The following ADAM12 variants were observed in gnomAD, a reference collection of about 807,000 sequenced individuals.
The protein encoded by ADAM12 is disintegrin and metalloproteinase domain-containing protein 12.
ADAM12 carries 70 observed loss-of-function variants against 106.4 expected under a neutral mutation model. The ratio of observed to expected loss-of-function variants is 0.66; its 90% CI spans 0.54 to 0.80. The LOEUF (loss-of-function observed/expected upper bound fraction) is 0.80. Ranked by LOEUF, ADAM12 falls within the 30% of genes least tolerant of loss-of-function variation. The probability of loss-of-function intolerance (pLI) is 0.00; values close to 1 mark genes in which losing one functional copy is unlikely to be tolerated. For missense variants in ADAM12, 1,010 were observed against 1,171.9 expected (o/e 0.86, Z 2.02); for synonymous variants, 420 against 433.5 (o/e 0.97, Z 0.39).
At chr10:126,194,290 A>T (rs1203217733) in intron 3 of ADAM12, among the ~76,000 whole-genome samples, 2 of 151,650 alleles carry the variant, frequency 1.3e-5, no homozygotes, top group East Asian at 3.9e-4. Context: ...AAAAAAAAAA[A>T]AAAAAAAAAA....
chr10:126,038,183 A>T, intron 20 of ADAM12, 58 bp downstream of exon 20: 1 of 1,438,668 alleles, frequency 7.0e-7, no homozygotes, highest in Non-Finnish European at 9.6e-7. Flanking sequence ...TCAGTCTCGT[A>T]TTGAAAACCT....
intron 11 of ADAM12, among the ~76,000 whole-genome samples, chr10:126,079,487 T>G (rs1343675361): frequency 6.6e-6 from 1 of 152,212 alleles, no homozygotes. Context: ...TTCAGCCACA[T>G]GGTAGCATGC....
At chr10:126,359,988 C>G (rs1407129588) in intron 1 of ADAM12, among the ~76,000 whole-genome samples, 2 of 152,218 alleles carry the variant, frequency 1.3e-5, no homozygotes, top group Non-Finnish European at 2.9e-5. Flanking sequence ...CTTCTGTGTA[C>G]CCACAGGCTC....
chr10:126,305,282 A>G (rs1960795088), intron 2 of ADAM12, among the ~76,000 whole-genome samples: 1 of 152,080 alleles, frequency 6.6e-6, no homozygotes, highest in African/African-American at 2.4e-5. Flanking sequence ...CTACTCAAGC[A>G]ATAACAAGAA....
At chr10:126,347,215 T>G (rs1245988969) in intron 1 of ADAM12, among the ~76,000 whole-genome samples, 1 of 152,228 alleles carries the variant, frequency 6.6e-6, no homozygotes, top group African/African-American at 2.4e-5. Context: ...TAGGGCAGGC[T>G]GGTGGTGACA....
intron 11 of ADAM12, among the ~76,000 whole-genome samples, chr10:126,092,611 C>T (rs1955486770): frequency 6.6e-6 from 1 of 152,198 alleles, no homozygotes; most frequent in Admixed American, 6.5e-5. Context: ...AGTACTTTGA[C>T]TTTGTGTACA....
intron 5 of ADAM12, among the ~76,000 whole-genome samples, chr10:126,126,663 C>T (rs1365827957): frequency 1.3e-5 from 2 of 150,734 alleles, no homozygotes; most frequent in East Asian, 3.9e-4. Context: ...CTAGAATGTG[C>T]AACATGGCAA....
At chr10:126,131,104 C>CTTTTTTTTTTTTTTT (rs71029289) in intron 5 of ADAM12, among the ~76,000 whole-genome samples, 1 of 100,936 alleles carries the variant, frequency 9.9e-6, no homozygotes, top group Non-Finnish European at 2.0e-5. Context: ...CAGCTGTCTT[C>CTTTTTTTTTTTTTTT]TTTTTTTTTT....
At chr10:126,239,609 T>C (rs4274143) in intron 3 of ADAM12, among the ~76,000 whole-genome samples, 68,231 of 152,010 alleles carry the variant, frequency 0.45, 15,804 homozygotes, top group Non-Finnish European at 0.52. Flanking sequence ...TAGGTCGTTA[T>C]TTCCTCCAAG....
intron 11 of ADAM12, among the ~76,000 whole-genome samples, chr10:126,081,158 C>T (rs1006181079): frequency 7.2e-5 from 11 of 152,254 alleles, no homozygotes; most frequent in Non-Finnish European, 1.0e-4. Flanking sequence ...TTAATAAACA[C>T]GCACTGAGTC....
intron 1 of ADAM12, among the ~76,000 whole-genome samples, chr10:126,376,220 G>C (rs1343529758): frequency 6.6e-6 from 1 of 151,902 alleles, no homozygotes; most frequent in African/African-American, 2.4e-5. Context: ...AATAAAAATT[G>C]AGCAAACACC....
intron 2 of ADAM12, among the ~76,000 whole-genome samples, chr10:126,324,703 G>A (rs1319514169): frequency 6.6e-6 from 1 of 152,140 alleles, no homozygotes; most frequent in Non-Finnish European, 1.5e-5. Flanking sequence ...GAAGGAAGAT[G>A]ACAACCTTAT....
intron 1 of ADAM12, among the ~76,000 whole-genome samples, chr10:126,360,825 T>C (rs2133902570): frequency 6.6e-6 from 1 of 152,336 alleles, no homozygotes; most frequent in African/African-American, 2.4e-5. Context: ...TTTACTGTAT[T>C]AGTTTGTTTC....
intron 14 of ADAM12, among the ~76,000 whole-genome samples, chr10:126,051,751 A>T (rs1430999516): frequency 1.3e-5 from 2 of 152,248 alleles, no homozygotes; most frequent in African/African-American, 4.8e-5. Context: ...TCTTCCAGAC[A>T]TTGGGAGTAT....
intron 3 of ADAM12, among the ~76,000 whole-genome samples, chr10:126,232,989 A>C (rs1174878763): frequency 5.9e-5 from 9 of 151,946 alleles, no homozygotes; most frequent in Non-Finnish European, 8.8e-5. Context: ...TGGCATCTCG[A>C]TATGTTTCTA....
At chr10:126,035,023 A>G (rs913602448) in intron 21 of ADAM12, among the ~76,000 whole-genome samples, 2 of 152,168 alleles carry the variant, frequency 1.3e-5, no homozygotes, top group Admixed American at 1.3e-4. Context: ...ATGAACTCAA[A>G]GGAGACACAA....
At chr10:126,260,767 A>C (rs898286545) in intron 3 of ADAM12, among the ~76,000 whole-genome samples, 1 of 152,186 alleles carries the variant, frequency 6.6e-6, no homozygotes, top group Non-Finnish European at 1.5e-5. Flanking sequence ...CCGTAATGAC[A>C]TGTGTGTCTA....
chr10:126,376,646 A>G (rs1856303939), intron 1 of ADAM12, among the ~76,000 whole-genome samples: 2 of 152,214 alleles, frequency 1.3e-5, no homozygotes, highest in South Asian at 4.1e-4. Flanking sequence ...ATAAATAGAG[A>G]AATCACCACA....
chr10:126,316,042 G>A (rs185894696), intron 2 of ADAM12, among the ~76,000 whole-genome samples: 1 of 152,262 alleles, frequency 6.6e-6, no homozygotes, highest in African/African-American at 2.4e-5. Context: ...ATGCCCCCGT[G>A]GTCTTGTTTT....
Sources: gnomAD v4.1 joint callset for allele counts (sites outside exome capture counted in the v4.1 genomes callset) on GRCh38, gnomAD v4.1.1 for gene constraint, MANE v1.5 for transcripts, NCBI Gene and HGNC (gene_info 2026-07-23, HGNC 2026-07-21) for gene names.